Variants in CASK observed in about 807,000 individuals in gnomAD.
CASK encodes calcium/calmodulin dependent serine protein kinase.
Under a neutral mutation model 82.9 loss-of-function variants are expected in CASK, and 4 were observed. The ratio of observed to expected loss-of-function variants is 0.05; its 90% CI spans 0.02 to 0.11. The LOEUF is 0.11. Among genes scored for constraint, CASK ranks in the 10% least tolerant of loss-of-function variants. The pLI is 1.00. For missense variants in CASK, 358 were observed against 720.9 expected (o/e 0.50, Z 5.76); for synonymous variants, 259 against 253.5 (o/e 1.02, Z -0.20).
intron 10 of CASK, chrX:41,624,391 T>C: frequency 3.6e-6 from 1 of 281,342 alleles, no homozygotes; most frequent in South Asian, 3.6e-5. Flanking sequence ...TTCTCCTCAG[T>C]CTCTTCTCTA....
intron 2 of CASK, among the ~76,000 whole-genome samples, chrX:41,828,371 C>T (rs181934768): frequency 9.0e-6 from 1 of 111,337 alleles, no homozygotes; most frequent in African/African-American, 3.3e-5. Flanking sequence ...ACTAAAAAGA[C>T]AAAAGGTTCA....
chrX:41,708,292 T>G (rs1251139617), intron 5 of CASK, among the ~76,000 whole-genome samples: 1 of 111,552 alleles, frequency 9.0e-6, no homozygotes, highest in Non-Finnish European at 1.9e-5. Flanking sequence ...CATGTTTTTA[T>G]TACAAGCTTT....
intron 11 of CASK, among the ~76,000 whole-genome samples, chrX:41,616,155 T>C (rs1468167896): frequency 8.9e-6 from 1 of 111,787 alleles, no homozygotes; most frequent in African/African-American, 3.3e-5. Flanking sequence ...GAGTTACTTA[T>C]GTGCGTGCTT....
chrX:41,748,402 C>T lies in CASK; in HGVS notation c.279-2801G>A, dbSNP rs745749975. 8.9e-5 allele frequency: 13 copies of T among 146,172 alleles called. 1 individual carries two copies. The South Asian group carries it at 2.2e-3, about 24-fold the overall frequency. 12.0% of individuals were successfully genotyped at this position (146,172 alleles called of 1,213,427 possible). A position where few individuals can be genotyped will look rare whatever the true frequency, so the allele number is the denominator to read the frequency against. ...ATAGAGCTGGGAAAATTGTTGTGAA[C>T]CTGAGGTAGGTTAAACAAGTGTGGA... On this transcript the variant is annotated intron_variant, in intron 3 of 26. Coordinates refer to ENST00000378163, the MANE Select transcript of CASK (RefSeq NM_001367721.1).
At chrX:41,842,340 G>A (rs1171082978) in intron 2 of CASK, among the ~76,000 whole-genome samples, 1 of 110,673 alleles carries the variant, frequency 9.0e-6, no homozygotes, top group Non-Finnish European at 1.9e-5. Context: ...GGGAGGCGAG[G>A]TGGGCAGATC....
chrX:41,636,060 CTAATT>C (rs1340068647), intron 9 of CASK, among the ~76,000 whole-genome samples: 5 of 107,976 alleles, frequency 4.6e-5, no homozygotes, highest in Non-Finnish European at 7.7e-5. Context: ...CCAGGCCCAG[CTAATT>C]TTTGTATTTT....
At chrX:41,816,122 G>C (rs1040045091) in intron 2 of CASK, among the ~76,000 whole-genome samples, 5 of 111,457 alleles carry the variant, frequency 4.5e-5, no homozygotes, top group African/African-American at 1.3e-4. Context: ...AAACTGCTGG[G>C]ATTAAAGGCA....
chrX:41,788,244 G>T (rs1277446213), intron 2 of CASK, among the ~76,000 whole-genome samples: 2 of 101,998 alleles, frequency 2.0e-5, no homozygotes, highest in African/African-American at 6.8e-5. Flanking sequence ...TCCAAATAAT[G>T]TATGTAGGAC....
At chrX:41,633,056 A>AAATAATAAT (rs1324014048) in intron 9 of CASK, among the ~76,000 whole-genome samples, 1 of 86,325 alleles carries the variant, frequency 1.2e-5, no homozygotes, top group African/African-American at 3.6e-5. Context: ...AAAAAAAAAA[A>AAATAATAAT]AATAATAATA....
At chrX:41,753,258 T>TA (rs1439860665) in intron 3 of CASK, among the ~76,000 whole-genome samples, 1 of 111,064 alleles carries the variant, frequency 9.0e-6, no homozygotes, top group South Asian at 3.8e-4. Context: ...CCTTTACTTT[T>TA]AAAAAAATGA....
intron 5 of CASK, among the ~76,000 whole-genome samples, chrX:41,720,750 A>G (rs2068149950): frequency 9.0e-6 from 1 of 111,319 alleles, no homozygotes; most frequent in Non-Finnish European, 1.9e-5. Flanking sequence ...TCTAACCCCA[A>G]CAATCCATGT....
At chrX:41,911,122 A>G (rs752767691) in intron 1 of CASK, among the ~76,000 whole-genome samples, 1 of 111,718 alleles carries the variant, frequency 9.0e-6, no homozygotes, top group South Asian at 3.7e-4. Context: ...AACTGACAAA[A>G]TTTTTAAAAA....
intron 8 of CASK, among the ~76,000 whole-genome samples, chrX:41,646,714 A>T (rs1329556584): frequency 8.9e-6 from 1 of 111,858 alleles, no homozygotes; most frequent in East Asian, 2.8e-4. Flanking sequence ...TCCCATACAG[A>T]GTTGTGTTAA....
intron 5 of CASK, among the ~76,000 whole-genome samples, chrX:41,725,478 T>C (rs1174838887): frequency 9.0e-6 from 1 of 111,104 alleles, no homozygotes; most frequent in Non-Finnish European, 1.9e-5. Context: ...TTGAGAAACC[T>C]TGCTCTAGAT....
intron 1 of CASK, among the ~76,000 whole-genome samples, chrX:41,861,260 G>T (rs972177690): frequency 9.0e-5 from 10 of 111,396 alleles, no homozygotes; most frequent in Non-Finnish European, 1.9e-4. Flanking sequence ...GTGCGTGTGT[G>T]CGTGTGCATG....
chrX:41,840,168 T>G (rs2071005588), intron 2 of CASK, among the ~76,000 whole-genome samples: 1 of 112,218 alleles, frequency 8.9e-6, no homozygotes, highest in South Asian at 3.7e-4. Flanking sequence ...CAGATCAAGT[T>G]GGTAAGAACT....
intron 14 of CASK, chrX:41,583,852 C>T (rs2065617290): frequency 9.0e-6 from 1 of 110,987 alleles, no homozygotes; most frequent in Non-Finnish European, 1.9e-5. Flanking sequence ...TGTGATCCTC[C>T]CACCTCAGCC....
intron 5 of CASK, among the ~76,000 whole-genome samples, chrX:41,734,520 C>G (rs1015694852): frequency 4.5e-5 from 5 of 111,119 alleles, no homozygotes; most frequent in Non-Finnish European, 9.4e-5. Context: ...CATTCTTTCA[C>G]AAGAAAAAGT....
Position 41,901,586 on chromosome X carries a change from C to T in CASK, c.59+21344G>A, listed in dbSNP as rs764076692. Among the ~76,000 whole-genome samples the T allele has an allele frequency of 9.0e-5, 10 of 111,630 alleles. No individual in the cohort carries two copies. The South Asian group carries it at 1.1e-3, about 13-fold the overall frequency. On this transcript the variant is annotated intron_variant, in intron 1 of 26. Transcript: ENST00000378163. ...TACCAGTCAGCCTGTCCAGAAATTC[C>T]GGAGGGCTGTCTGGCAGGGGGGCTT...
Sources: allele counts gnomAD v4.1 joint callset (sites outside exome capture counted in the v4.1 genomes callset), GRCh38; gene constraint gnomAD v4.1.1; transcripts MANE v1.5; gene names NCBI Gene and HGNC (gene_info 2026-07-23, HGNC 2026-07-21).